The following GALC variants were observed in gnomAD, a reference collection of about 807,000 sequenced individuals.
GALC encodes the protein galactocerebrosidase.
In GALC, 77 loss-of-function variants were observed where a neutral mutation model predicts 91.8. The observed-to-expected ratio is 0.84, with a 90% CI of 0.70 to 1.01. The LOEUF (loss-of-function observed/expected upper bound fraction) is 1.01, where lower values mean the gene tolerates loss of function less well. Ranked by LOEUF, GALC falls within the 50% of genes least tolerant of loss-of-function variation. The pLI, the probability that GALC is intolerant of heterozygous loss-of-function variation, is 0.00. For synonymous variants in GALC, 357 were observed against 306.7 expected (o/e 1.16, Z -1.71); for missense variants, 882 against 855.9 (o/e 1.03, Z -0.38).
Position 87,986,544 on chromosome 14 carries a change from G to A in GALC, c.387C>T (p.Tyr129=), listed in dbSNP as rs1240965365. ...YALDENYFRG[Y]EWWLMKEAKK... ...TAGCTTCTTTCATCAACCACCACTC[G>A]TATCCTCGGAAATAATTCTCATCTA... Residue 129 remains tyrosine (Y), a synonymous_variant, in exon 4 of 17, where the codon TAC becomes TAT. Transcript: ENST00000261304. 20 of 1,613,400 alleles carry A rather than the reference G, an allele frequency of 1.2e-5. No homozygotes were observed. The highest frequency in any genetic ancestry group is 2.7e-5 in the African/African-American group (2 of 74,834).
At chr14:87,987,973 T>G in intron 3 of GALC, 171 bp downstream of exon 3, 1 of 610,496 alleles carries the variant, frequency 1.6e-6, no homozygotes, top group Non-Finnish European at 2.9e-6. Context: ...AGTCATATTC[T>G]ATATAATATT....
At chr14:87,949,970 A>G (rs771761577) in intron 11 of GALC, 39 bp from the exon 12 acceptor site, 1 of 989,954 alleles carries the variant, frequency 1.0e-6, no homozygotes, top group South Asian at 1.3e-5. Context: ...TGAGTAATTC[A>G]TCACATCCTC....
intron 1 of GALC, among the ~76,000 whole-genome samples, chr14:87,990,676 C>T (rs570078191): frequency 2.6e-5 from 4 of 152,186 alleles, no homozygotes; most frequent in Non-Finnish European, 5.9e-5. Context: ...TTCTTTTGCC[C>T]TCTATGCACT....
chr14:87,947,632 A>T, intron 13 of GALC, 96 bp downstream of exon 13: 1 of 1,198,308 alleles, frequency 8.3e-7, no homozygotes, highest in Non-Finnish European at 1.2e-6. Flanking sequence ...TGTGCTTTTG[A>T]CAGCCACTCC....
chr14:87,953,110 AGTGTTTG>A, intron 10 of GALC: 1 of 1,496,106 alleles, frequency 6.7e-7, no homozygotes, highest in East Asian at 2.3e-5. Context: ...ATACAAAACC[AGTGTTTG>A]GGATTATTTT....
chr14:87,969,815 A>C (rs1886210590), intron 7 of GALC, among the ~76,000 whole-genome samples: 1 of 152,200 alleles, frequency 6.6e-6, no homozygotes, highest in South Asian at 2.1e-4. Context: ...ATTAGGGCAC[A>C]ATATCAATTT....
At chr14:87,954,431 C>A in intron 10 of GALC, 2 of 1,592,220 alleles carry the variant, frequency 1.3e-6, no homozygotes, top group South Asian at 2.2e-5. Flanking sequence ...CTGGTACCCT[C>A]AACTGCAAAG....
At chr14:87,960,025 C>A (rs1389101450) in intron 10 of GALC, among the ~76,000 whole-genome samples, 1 of 151,708 alleles carries the variant, frequency 6.6e-6, no homozygotes. Flanking sequence ...ATAAGCCAGA[C>A]ACAATAAGAC....
At chr14:87,966,268 A>C (rs1376875993) in intron 8 of GALC, among the ~76,000 whole-genome samples, 2 of 152,178 alleles carry the variant, frequency 1.3e-5, no homozygotes, top group Admixed American at 6.6e-5. Flanking sequence ...TTCATCTATA[A>C]GTAGTAATTG....
Position 87,947,756 on chromosome 14 carries a change from T to C in GALC, c.1461A>G (p.Pro487=). 1 of 1,612,904 alleles carries C rather than the reference T, an allele frequency of 6.2e-7. No individual in the cohort carries two copies. The highest frequency in any genetic ancestry group is 8.5e-7 in the Non-Finnish European group (1 of 1,179,232). ...YPLPPKSQPF[P]STYKDDFNVD... is the part of the protein sequence containing the mutation. ...CATTGAAATCATCCTTATAGGTACT[T>C]GGGAAGGGCTGGGATTTTGGAGGAA... The change falls in exon 13 of 17, where the codon CCA becomes CCG. Residue 487 remains proline (P), a synonymous_variant. Coordinates refer to ENST00000261304, the MANE Select transcript of GALC (RefSeq NM_000153.4).
chr14:87,953,929 C>T, intron 10 of GALC: 1 of 1,610,038 alleles, frequency 6.2e-7, no homozygotes, highest in South Asian at 1.1e-5. Context: ...ATTGATCAAT[C>T]AGAAACTAAG....
At chr14:87,964,299 G>A (rs1885939240) in intron 9 of GALC, among the ~76,000 whole-genome samples, 1 of 151,980 alleles carries the variant, frequency 6.6e-6, no homozygotes, top group Non-Finnish European at 1.5e-5. Context: ...TCTTAGGAGA[G>A]CACAACTAAA....
At chr14:87,980,091 T>C (rs1410996075) in intron 6 of GALC, among the ~76,000 whole-genome samples, 1 of 152,180 alleles carries the variant, frequency 6.6e-6, no homozygotes, top group Non-Finnish European at 1.5e-5. Flanking sequence ...AATTAAAATA[T>C]GCCATTATTG....
Position 87,984,504 on chromosome 14 carries a change from C to T in GALC, c.472G>A (p.Gly158Arg). 6.2e-7 allele frequency: 1 copy of T among 1,614,074 alleles called. No homozygotes were observed. ...ACATAAGGCCAGTCGAAACCTTTTC[C>T]CAGCCATCCAGGGAATGACCATGGC... is the stretch of plus-strand genomic sequence containing the variant. ...GLPWSFPGWL[G>R]KGFDWPYVNL... The change falls in exon 5 of 17, where the codon GGA (glycine) becomes AGA (arginine). Residue 158 changes from glycine to arginine, a missense_variant. Physicochemically the swap from Gly to Arg is moderately radical, Grantham distance 125. Transcript: ENST00000261304.
intron 12 of GALC, among the ~76,000 whole-genome samples, chr14:87,949,080 G>A (rs566088182): frequency 2.0e-5 from 3 of 151,890 alleles, no homozygotes; most frequent in African/African-American, 7.3e-5. Flanking sequence ...CATGGCCCTA[G>A]GTGAATATGA....
chr14:87,989,675 C>T (rs941643897), intron 1 of GALC: 2 of 152,290 alleles, frequency 1.3e-5, no homozygotes, highest in African/African-American at 4.8e-5. Context: ...CCCAGGCCCT[C>T]CTCACTTATG....
intron 1 of GALC, 195 bp downstream of exon 1, chr14:87,992,775 C>T: frequency 1.4e-6 from 2 of 1,413,702 alleles, no homozygotes; most frequent in Non-Finnish European, 1.8e-6. Flanking sequence ...CTGTCTGGTT[C>T]GTGTTAAACG....
In GALC at chr14:87,954,900, G is replaced by T. The variant is rs1012455851; in HGVS notation, c.1162-4152C>A. On this transcript the variant is annotated intron_variant, in intron 10 of 16. Transcript: ENST00000261304. ...AAATATACTATAGGCCAGCTTTAAT[G>T]ACTGTAGTTGATGGAAGACATGATG... is the stretch of plus-strand genomic sequence containing the variant. The T allele has an allele frequency of 9.5e-6, 15 of 1,574,522 alleles. No individual in the cohort carries two copies. The Admixed American group carries it at 2.5e-4, about 26-fold the overall frequency.
chr14:87,988,192 A>C lies in GALC; in HGVS notation c.280T>G (p.Ser94Ala). 6.2e-7 allele frequency: 1 copy of C among 1,613,768 alleles called. No homozygotes were observed. Among genetic ancestry groups the C allele is most frequent in the Non-Finnish European group, 8.5e-7 (1 of 1,179,838 alleles). Residue 94 changes from serine to alanine, a missense_variant, in exon 3 of 17, where the codon TCT becomes GCT. Physicochemically the swap from Ser to Ala is moderately conservative, Grantham distance 99. Transcript: ENST00000261304. ...DYLFKPNFGASLHILKVEIGG... is the reference protein window; with the variant it reads ...DYLFKPNFGAALHILKVEIGG... ...ATTTCCACTTTTAAAATATGCAAAG[A>C]GGCACCAAAATTCGGCTGTGAAAAG...
Sources: gnomAD v4.1 joint callset for allele counts (sites outside exome capture counted in the v4.1 genomes callset) on GRCh38, gnomAD v4.1.1 for gene constraint, MANE v1.5 for transcripts, NCBI Gene and HGNC (gene_info 2026-07-23, HGNC 2026-07-21) for gene names.